The following ARHGAP24 variants were observed in gnomAD, a reference collection of about 807,000 sequenced individuals.
The protein encoded by ARHGAP24 is rho GTPase-activating protein 24.
Under a neutral mutation model 76.4 loss-of-function variants are expected in ARHGAP24, and 50 were observed. That is an observed-to-expected ratio of 0.65 (90% confidence interval 0.52 to 0.83). ARHGAP24 has a LOEUF of 0.83. ARHGAP24 is among the 40% of genes least tolerant of loss of function. The pLI, the probability that ARHGAP24 is intolerant of heterozygous loss-of-function variation, is 0.00. For missense variants in ARHGAP24, 930 were observed against 914.2 expected (o/e 1.02, Z -0.22); for synonymous variants, 345 against 323.3 (o/e 1.07, Z -0.72).
At chr4:85,592,830 T>C (rs1223366413) in intron 2 of ARHGAP24, among the ~76,000 whole-genome samples, 3 of 152,228 alleles carry the variant, frequency 2.0e-5, no homozygotes, top group African/African-American at 7.2e-5. Flanking sequence ...GTCATTCTTT[T>C]TAAAGGCTGA....
At chr4:85,938,484 T>C (rs1306411938) in intron 4 of ARHGAP24, among the ~76,000 whole-genome samples, 2 of 152,220 alleles carry the variant, frequency 1.3e-5, no homozygotes, top group African/African-American at 4.8e-5. Context: ...ATCTGTTTTT[T>C]TAAAATGATT....
intron 3 of ARHGAP24, among the ~76,000 whole-genome samples, chr4:85,851,786 A>C (rs1423557987): frequency 6.6e-6 from 1 of 152,124 alleles, no homozygotes; most frequent in African/African-American, 2.4e-5. Flanking sequence ...CCCCACTCTC[A>C]TCTGGCTTGT....
intron 2 of ARHGAP24, among the ~76,000 whole-genome samples, chr4:85,667,015 G>T (rs1311673769): frequency 6.6e-6 from 1 of 152,156 alleles, no homozygotes; most frequent in African/African-American, 2.4e-5. Flanking sequence ...GAGAACCACT[G>T]CTCTCTTCAA....
chr4:85,688,395 C>T (rs1404856768), intron 2 of ARHGAP24, among the ~76,000 whole-genome samples: 2 of 151,918 alleles, frequency 1.3e-5, no homozygotes, highest in African/African-American at 2.4e-5. Context: ...TTTTCATGTT[C>T]TTTTCTCATT....
At chr4:85,898,037 A>G (rs926325463) in intron 3 of ARHGAP24, among the ~76,000 whole-genome samples, 11 of 11,248 alleles carry the variant, frequency 9.8e-4, no homozygotes, top group African/African-American at 1.7e-3. Context: ...ATATGTGTAT[A>G]TATATATATA....
chr4:85,959,691 G>A (rs1394227999), intron 5 of ARHGAP24, among the ~76,000 whole-genome samples: 11 of 152,154 alleles, frequency 7.2e-5, no homozygotes, highest in Admixed American at 7.2e-4. Flanking sequence ...GTAGAGATAT[G>A]TTTAATTTCC....
At chr4:85,832,764 A>G (rs1730060229) in intron 3 of ARHGAP24, among the ~76,000 whole-genome samples, 1 of 152,196 alleles carries the variant, frequency 6.6e-6, no homozygotes, top group Non-Finnish European at 1.5e-5. Context: ...GGTGTAAAGT[A>G]TGAAATTATC....
intron 3 of ARHGAP24, among the ~76,000 whole-genome samples, chr4:85,833,437 C>G (rs1419989597): frequency 2.0e-5 from 3 of 152,012 alleles, no homozygotes; most frequent in Non-Finnish European, 4.4e-5. Flanking sequence ...GGGATTCCTC[C>G]CCTCCCATGA....
chr4:85,748,586 G>A (rs1052162349), intron 3 of ARHGAP24, among the ~76,000 whole-genome samples: 2 of 152,106 alleles, frequency 1.3e-5, no homozygotes, highest in Non-Finnish European at 2.9e-5. Context: ...TAAAATGGGA[G>A]TATTTTTAAA....
At chr4:85,754,706 GAC>G (rs1168851202) in intron 3 of ARHGAP24, among the ~76,000 whole-genome samples, 1 of 152,166 alleles carries the variant, frequency 6.6e-6, no homozygotes, top group African/African-American at 2.4e-5. Context: ...AATTTATAAA[GAC>G]CAGGAAGAGC....
chr4:85,689,757 C>G (rs557850464), intron 2 of ARHGAP24, among the ~76,000 whole-genome samples: 1 of 152,198 alleles, frequency 6.6e-6, no homozygotes, highest in South Asian at 2.1e-4. Flanking sequence ...GTTCTAGGAG[C>G]CTTTTGTCAG....
chr4:85,986,424 G>GCCTATGATTCCTATAGGCCTAT (rs1740000201), intron 8 of ARHGAP24, among the ~76,000 whole-genome samples: 1 of 152,050 alleles, frequency 6.6e-6, no homozygotes, highest in African/African-American at 2.4e-5. Flanking sequence ...TTAGACATTG[G>GCCTATGATTCCTATAGGCCTAT]ACAACAGGCA....
At chr4:85,759,906 G>C (rs964740090) in intron 3 of ARHGAP24, among the ~76,000 whole-genome samples, 1 of 152,132 alleles carries the variant, frequency 6.6e-6, no homozygotes, top group Non-Finnish European at 1.5e-5. Flanking sequence ...CCATTTTCAA[G>C]GCTCAGTAGT....
intron 1 of ARHGAP24, among the ~76,000 whole-genome samples, chr4:85,510,948 A>C (rs1213179890): frequency 1.3e-5 from 2 of 151,964 alleles, no homozygotes; most frequent in African/African-American, 2.4e-5. Flanking sequence ...ATATTATGTA[A>C]ACTTGTCTTG....
chr4:85,558,236 G>T (rs1726465438), intron 1 of ARHGAP24, among the ~76,000 whole-genome samples: 2 of 152,086 alleles, frequency 1.3e-5, no homozygotes. Flanking sequence ...ATGGGATGAG[G>T]GAGAGGGGAG....
chr4:85,707,014 A>C (rs955022801), intron 2 of ARHGAP24, among the ~76,000 whole-genome samples: 7 of 152,170 alleles, frequency 4.6e-5, no homozygotes, highest in African/African-American at 1.7e-4. Context: ...TCCTGGGCTA[A>C]CGTTATCCTC....
In ARHGAP24 at chr4:85,800,457, T is replaced by C. The variant is rs184343315; in HGVS notation, c.268+78485T>C. ...GGGCCCAAATGGTAAAATAGCAAAA[T>C]CTTAAACCATTGCTGGACATAAGGT... is the stretch of plus-strand genomic sequence containing the variant. On this transcript the variant is annotated intron_variant, in intron 3 of 9. Coordinates refer to ENST00000395184, the MANE Select transcript of ARHGAP24 (RefSeq NM_001025616.3). Among the ~76,000 whole-genome samples, 31 of 148,884 alleles carry C rather than the reference T, an allele frequency of 2.1e-4. No individual in the cohort carries two copies. In the Admixed American group the frequency reaches 2.1e-3, roughly 10 times the overall value.
At chr4:85,667,425 G>A (rs578145001) in intron 2 of ARHGAP24, among the ~76,000 whole-genome samples, 67 of 151,788 alleles carry the variant, frequency 4.4e-4, no homozygotes, top group African/African-American at 1.6e-3. Context: ...ACTAGGAAAG[G>A]GAACTCCCTG....
intron 2 of ARHGAP24, among the ~76,000 whole-genome samples, chr4:85,606,492 G>A (rs1040519559): frequency 6.8e-6 from 1 of 146,142 alleles, no homozygotes; most frequent in Non-Finnish European, 1.5e-5. Context: ...CAGCCTGGGC[G>A]ACAGAGCGAG....
Sources: allele counts gnomAD v4.1 joint callset (sites outside exome capture counted in the v4.1 genomes callset), GRCh38; gene constraint gnomAD v4.1.1; transcripts MANE v1.5; gene names NCBI Gene and HGNC (gene_info 2026-07-23, HGNC 2026-07-21).